KIR2DL3: variants seen among roughly 807,000 people sequenced by gnomAD.
KIR2DL3 encodes killer cell immunoglobulin like receptor, two Ig domains and long cytoplasmic tail 3, also known as killer cell immunoglobulin-like receptor 2DL3.
KIR2DL3 carries 39 observed loss-of-function variants against 33.8 expected under a neutral mutation model. That is an observed-to-expected ratio of 1.15 (90% CI 0.89 to 1.51). The LOEUF is 1.51. Among genes scored for constraint, KIR2DL3 ranks in the 40% most tolerant of loss-of-function variants. KIR2DL3 has a pLI of 0.00. For missense variants in KIR2DL3, 462 were observed against 426.2 expected, an observed-to-expected ratio of 1.08 and a Z score of -0.74; for synonymous variants, 174 against 160.2, an observed-to-expected ratio of 1.09 and a Z score of -0.65.
chr19:54,747,731 G>C (rs1341106622), intron 5 of KIR2DL3, among the ~76,000 whole-genome samples: 1 of 152,180 alleles, frequency 6.6e-6, no homozygotes, highest in Non-Finnish European at 1.5e-5. Flanking sequence ...AACATCTGAT[G>C]AGGGCGAGGT....
In KIR2DL3 at chr19:54,752,941, T is replaced by C; in HGVS notation, c.*422T>C. The C allele has an allele frequency of 3.9e-6, 1 of 255,910 alleles. No homozygotes were observed. The highest frequency in any genetic ancestry group is 7.5e-6 in the Non-Finnish European group (1 of 133,302). 15.9% of individuals were successfully genotyped at this position (255,910 alleles called of 1,614,324 possible). ...GCTGTTCCACCTTCCCTCATGCTGT[T>C]CCACCTCCCCTCAGACTAGCTTTCA... On this transcript the variant is annotated 3_prime_UTR_variant, in exon 8 of 8. Transcript: ENST00000342376.
At position 54,751,301 on chromosome 19, in the gene KIR2DL3, C is replaced by A. The variant is rs1332089390; in HGVS notation, c.716-348C>A. Among the ~76,000 whole-genome samples the A allele has an allele frequency of 1.5e-5, 2 of 131,514 alleles. 1 individual carries two copies. Among genetic ancestry groups the A allele is most frequent in the Non-Finnish European group, 3.3e-5 (2 of 60,332 alleles). 86.3% of individuals were successfully genotyped at this position (131,514 alleles called of 152,430 possible). A position where few individuals can be genotyped will look rare whatever the true frequency, so the allele number is the denominator to read the frequency against. On this transcript the variant is annotated intron_variant, in intron 5 of 7. Coordinates refer to ENST00000342376, the MANE Select transcript of KIR2DL3 (RefSeq NM_015868.3). ...TCTCCAGGAACTAATAGAAGGGGAA[C>A]TTGCTAACCCCGTCTCCTTGGGACA...
chr19:54,751,315 C>A lies in KIR2DL3; in HGVS notation c.716-334C>A, dbSNP rs1464492373. Among the ~76,000 whole-genome samples, 8 of 131,998 alleles carry A rather than the reference C, an allele frequency of 6.1e-5. 3 individuals carry two copies. The highest frequency in any genetic ancestry group is 2.3e-4 in the African/African-American group (8 of 34,566). The allele number at this position is 131,998 out of a possible 152,430, so 86.6% of individuals were successfully genotyped here. A position where few individuals can be genotyped will look rare whatever the true frequency, so the allele number is the denominator to read the frequency against. On this transcript the variant is annotated intron_variant, in intron 5 of 7. Coordinates refer to ENST00000342376, the MANE Select transcript of KIR2DL3 (RefSeq NM_015868.3). ...TAGAAGGGGAACTTGCTAACCCCGT[C>A]TCCTTGGGACAGCATTGGTCTGTTC...
At position 54,747,439 on chromosome 19, in the gene KIR2DL3, C is replaced by T. The variant is rs1158788208; in HGVS notation, c.715+54C>T. 2.5e-5 allele frequency: 39 copies of T among 1,578,776 alleles called. No individual in the cohort carries two copies. The South Asian group carries it at 4.2e-4, about 17-fold the overall frequency. ...TTTGGAAACCTGGGGAGGTAGAAAC[C>T]TTCGATGCAGGCATTGACTCAGCAT... On this transcript the variant is annotated intron_variant, in intron 5 of 7. Coordinates refer to ENST00000342376, the MANE Select transcript of KIR2DL3 (RefSeq NM_015868.3).
chr19:54,740,220 A>G (rs1951434), intron 2 of KIR2DL3, among the ~76,000 whole-genome samples: 55,399 of 146,984 alleles, frequency 0.38, 10,607 homozygotes, highest in Middle Eastern at 0.45. Flanking sequence ...CAGGGAGGGA[A>G]GGGCAGTTCC....
chr19:54,743,650 G>C (rs2071620769), intron 3 of KIR2DL3, 145 bp from the exon 4 acceptor site: 3 of 981,998 alleles, frequency 3.1e-6, no homozygotes, highest in Non-Finnish European at 2.9e-6. Context: ...GAAGGAAATA[G>C]ACATGAAGAG....
In KIR2DL3 at chr19:54,752,630, C is replaced by A; in HGVS notation, c.*111C>A. ...GTTGCCAGCTCCAATGTACCAGCAGCTGGAATCTGAAGGCGTGAGTCTGCA... is the reference window on the plus strand; with the variant it reads ...GTTGCCAGCTCCAATGTACCAGCAGATGGAATCTGAAGGCGTGAGTCTGCA... On this transcript the variant is annotated 3_prime_UTR_variant, in exon 8 of 8. Transcript: ENST00000342376. 7.5e-7 allele frequency: 1 copy of A among 1,332,612 alleles called. No individual in the cohort carries two copies. Among genetic ancestry groups the A allele is most frequent in the African/African-American group, 1.6e-5 (1 of 61,856 alleles). The allele number at this position is 1,332,612 out of a possible 1,614,324, so 82.5% of individuals were successfully genotyped here. A position where few individuals can be genotyped will look rare whatever the true frequency, so the allele number is the denominator to read the frequency against.
rs1410931904 is a variant in KIR2DL3 at position 54,741,480 on chromosome 19, C to T, written c.71-500C>T. ...ATACTCCTCCAACCAGCACCAGGAG[C>T]CAGCCTATGGAAGCTGGCACCATGG... On this transcript the variant is annotated intron_variant, in intron 2 of 7. Transcript: ENST00000342376. Among the ~76,000 whole-genome samples, 5 of 152,268 alleles carry T rather than the reference C, an allele frequency of 3.3e-5. No homozygotes were observed. The East Asian group carries it at 9.7e-4, about 29-fold the overall frequency.
chr19:54,744,344 G>C (rs1349078030), intron 4 of KIR2DL3, among the ~76,000 whole-genome samples: 1 of 152,082 alleles, frequency 6.6e-6, no homozygotes, highest in Non-Finnish European at 1.5e-5. Flanking sequence ...AGAGGAGAGA[G>C]ACTGGGCTCA....
chr19:54,744,950 A>ATTTT (rs2072171546), intron 4 of KIR2DL3, among the ~76,000 whole-genome samples: 13 of 26,792 alleles, frequency 4.9e-4, no homozygotes, highest in Non-Finnish European at 7.8e-4. Context: ...ATATATATAT[A>ATTTT]TATATTTTTT....
chr19:54,742,527 C>A (rs1297178108), intron 3 of KIR2DL3, among the ~76,000 whole-genome samples: 1 of 152,068 alleles, frequency 6.6e-6, no homozygotes, highest in Non-Finnish European at 1.5e-5. Context: ...AAGAGACAGA[C>A]AGACAGACAT....
intron 3 of KIR2DL3, 29 bp from the exon 4 acceptor site, chr19:54,743,766 C>T (rs1159619290): frequency 2.6e-6 from 4 of 1,552,924 alleles, no homozygotes; most frequent in East Asian, 4.5e-5. Context: ...GGAAGATCCT[C>T]CGTAAGGAAA....
At chr19:54,745,572 T>C (rs781581962) in intron 4 of KIR2DL3, among the ~76,000 whole-genome samples, 27 of 151,150 alleles carry the variant, frequency 1.8e-4, no homozygotes, top group Non-Finnish European at 1.6e-4. Flanking sequence ...CCATGTTGGC[T>C]GGGCTGCTCT....
chr19:54,738,914 A>G (rs1270877467), intron 1 of KIR2DL3, among the ~76,000 whole-genome samples: 6 of 54,864 alleles, frequency 1.1e-4, no homozygotes, highest in Non-Finnish European at 2.0e-4. Flanking sequence ...CCTGGAGTGG[A>G]GATATGGGCC....
intron 2 of KIR2DL3, among the ~76,000 whole-genome samples, chr19:54,740,477 G>A (rs564018346): frequency 1.2e-4 from 18 of 151,672 alleles, no homozygotes; most frequent in Admixed American, 5.9e-4. Context: ...GGGACATACA[G>A]ATGTCGGGGT....
At chr19:54,744,180 T>G in intron 4 of KIR2DL3, 92 bp downstream of exon 4, 1 of 1,564,920 alleles carries the variant, frequency 6.4e-7, no homozygotes, top group Non-Finnish European at 8.7e-7. Flanking sequence ...CATGGACAGA[T>G]GCAGAGAGAA....
At chr19:54,744,942 ATATATATATATAT>A (rs1568967547) in intron 4 of KIR2DL3, among the ~76,000 whole-genome samples, 1 of 24,218 alleles carries the variant, frequency 4.1e-5, no homozygotes, top group African/African-American at 1.3e-4. Flanking sequence ...ATATATATAT[ATATATATATATAT>A]TTTTTTTTTT....
At chr19:54,746,586 G>C (rs2072524204) in intron 4 of KIR2DL3, among the ~76,000 whole-genome samples, 1 of 148,056 alleles carries the variant, frequency 6.8e-6, no homozygotes, top group South Asian at 2.2e-4. Flanking sequence ...GACAGGTAGA[G>C]GTGCAGTTTC....
intron 3 of KIR2DL3, among the ~76,000 whole-genome samples, chr19:54,742,639 G>T (rs1239406283): frequency 6.6e-6 from 1 of 151,526 alleles, no homozygotes; most frequent in Non-Finnish European, 1.5e-5. Context: ...TCTCTACCAG[G>T]AGAACCCAAG....
Sources: allele counts gnomAD v4.1 joint callset (sites outside exome capture counted in the v4.1 genomes callset), GRCh38; gene constraint gnomAD v4.1.1; transcripts MANE v1.5; gene names NCBI Gene and HGNC (gene_info 2026-07-23, HGNC 2026-07-21).